Variants in SEM1 observed in about 807,000 individuals in gnomAD.
The protein encoded by SEM1 is SEM1 26S proteasome subunit.
A neutral mutation model predicts 12.7 loss-of-function variants in SEM1; 3 were observed. The ratio of observed to expected loss-of-function variants is 0.24; its 90% CI spans 0.11 to 0.61. SEM1 has a LOEUF of 0.61. Ranked by LOEUF, SEM1 falls within the 20% of genes least tolerant of loss-of-function variation. SEM1 has a pLI of 0.88. For missense variants in SEM1, 59 were observed against 81.3 expected (o/e 0.73, Z 1.06); for synonymous variants, 30 against 27.8 (o/e 1.08, Z -0.25).
intron 1 of SEM1, among the ~76,000 whole-genome samples, chr7:96,703,758 C>T (rs1228050289): frequency 1.3e-5 from 2 of 151,946 alleles, no homozygotes. Context: ...CCAGCCTGGG[C>T]AACATAACGA....
intron 2 of SEM1, among the ~76,000 whole-genome samples, chr7:96,654,390 C>T (rs1329462770): frequency 6.6e-6 from 1 of 152,132 alleles, no homozygotes. Flanking sequence ...AGATGGTCTC[C>T]AACTTATGAT....
At chr7:96,650,444 C>T (rs1054863472) in intron 2 of SEM1, 2 of 736,734 alleles carry the variant, frequency 2.7e-6, no homozygotes, top group Admixed American at 3.7e-5. Flanking sequence ...ATGTGTCCTT[C>T]ATCTGACTTG....
intron 2 of SEM1, among the ~76,000 whole-genome samples, chr7:96,675,584 A>G (rs1789429708): frequency 6.6e-6 from 1 of 152,126 alleles, no homozygotes; most frequent in Non-Finnish European, 1.5e-5. Flanking sequence ...ATAACTCCCC[A>G]GTCTCTCCTT....
intron 2 of SEM1, among the ~76,000 whole-genome samples, chr7:96,569,838 T>G (rs1029568457): frequency 1.3e-5 from 2 of 152,172 alleles, no homozygotes; most frequent in African/African-American, 2.4e-5. Context: ...TGGCCTGTAG[T>G]TCCATTCATG....
intron 2 of SEM1, among the ~76,000 whole-genome samples, chr7:96,608,403 T>C (rs1807448224): frequency 6.6e-6 from 1 of 152,210 alleles, no homozygotes; most frequent in Non-Finnish European, 1.5e-5. Flanking sequence ...ATGATCCTTT[T>C]GTATTTAAAA....
intron 2 of SEM1, among the ~76,000 whole-genome samples, chr7:96,537,263 C>A (rs929493049): frequency 6.6e-6 from 1 of 151,560 alleles, no homozygotes; most frequent in African/African-American, 2.4e-5. Context: ...TTATAATCAC[C>A]GAATGCATTG....
At chr7:96,483,336 T>A (rs1028294330) in exon 4 of SEM1, 3 of 156,728 alleles carry the variant, frequency 1.9e-5, no homozygotes, top group South Asian at 3.8e-4. Context: ...CAGAGGCTGC[T>A]GCTATCTAAT....
At chr7:96,608,215 G>T (rs1807442225) in intron 2 of SEM1, among the ~76,000 whole-genome samples, 1 of 152,134 alleles carries the variant, frequency 6.6e-6, no homozygotes, top group South Asian at 2.1e-4. Flanking sequence ...TGAGCCCAGG[G>T]AAGTACATAA....
intron 2 of SEM1, among the ~76,000 whole-genome samples, chr7:96,660,280 A>C (rs1343107461): frequency 6.6e-6 from 1 of 152,122 alleles, no homozygotes; most frequent in Non-Finnish European, 1.5e-5. Flanking sequence ...TAACTAATAA[A>C]ATAGCTTCAA....
At chr7:96,585,823 G>A (rs975695452) in intron 2 of SEM1, among the ~76,000 whole-genome samples, 20 of 152,174 alleles carry the variant, frequency 1.3e-4, no homozygotes, top group African/African-American at 2.4e-4. Context: ...GCCCTGCTTC[G>A]GCTTGCACAC....
At chr7:96,518,254 A>T (rs941877883) in intron 2 of SEM1, among the ~76,000 whole-genome samples, 5 of 152,304 alleles carry the variant, frequency 3.3e-5, no homozygotes, top group Admixed American at 2.0e-4. Flanking sequence ...TCGGGGCTGG[A>T]GTGGAAAGTT....
chr7:96,684,250 A>G (rs1789698527), downstream of SEM1, among the ~76,000 whole-genome samples: 1 of 151,948 alleles, frequency 6.6e-6, no homozygotes, highest in African/African-American at 2.4e-5. Flanking sequence ...ATGAAGCAGG[A>G]TTTTTCTCTG....
chr7:96,605,067 T>C (rs1439474705), intron 2 of SEM1, among the ~76,000 whole-genome samples: 1 of 152,204 alleles, frequency 6.6e-6, no homozygotes, highest in Admixed American at 6.5e-5. Context: ...ACTTTTCTTA[T>C]AGAATTGTTA....
intron 2 of SEM1, among the ~76,000 whole-genome samples, chr7:96,567,334 C>T (rs1805872334): frequency 1.7e-5 from 2 of 120,998 alleles, no homozygotes; most frequent in Non-Finnish European, 2.0e-5. Flanking sequence ...ACAAATACTA[C>T]CTTTATCCCT....
At chr7:96,568,842 T>C (rs1317169260) in intron 2 of SEM1, among the ~76,000 whole-genome samples, 3 of 151,922 alleles carry the variant, frequency 2.0e-5, no homozygotes, top group South Asian at 2.1e-4. Context: ...TCCTAATAAA[T>C]GTTCATTCCT....
upstream of SEM1, among the ~76,000 whole-genome samples, chr7:96,499,311 T>C (rs78556952): frequency 9.0e-3 from 1,374 of 152,294 alleles, 19 homozygotes; most frequent in African/African-American, 0.031. Context: ...GAAAGTCCAC[T>C]TGAGTGACCA....
intron 2 of SEM1, among the ~76,000 whole-genome samples, chr7:96,582,523 A>G (rs1806448596): frequency 6.6e-6 from 1 of 151,110 alleles, no homozygotes; most frequent in South Asian, 2.1e-4. Flanking sequence ...TTTTCTATTG[A>G]TTGGAATAGT....
downstream of SEM1, chr7:96,621,803 A>T (rs1807901144): frequency 6.6e-6 from 1 of 152,250 alleles, no homozygotes; most frequent in Non-Finnish European, 1.5e-5. Flanking sequence ...TTTAAAACTT[A>T]TTCTCCATGT....
At chr7:96,701,677 A>G (rs1563119986) in intron 1 of SEM1, among the ~76,000 whole-genome samples, 1 of 152,190 alleles carries the variant, frequency 6.6e-6, no homozygotes, top group Non-Finnish European at 1.5e-5. Context: ...CAGCTCAGAG[A>G]AAAACATAAT....
Sources: allele counts gnomAD v4.1 joint callset (sites outside exome capture counted in the v4.1 genomes callset), GRCh38; gene constraint gnomAD v4.1.1; transcripts MANE v1.5; gene names NCBI Gene and HGNC (gene_info 2026-07-23, HGNC 2026-07-21).